Variants in MYOM2 observed in about 807,000 individuals in gnomAD.
MYOM2 encodes the protein myomesin 2.
Under a neutral mutation model 187.6 loss-of-function variants are expected in MYOM2, and 254 were observed. The observed-to-expected ratio is 1.35, with a 90% CI of 1.22 to 1.50. The LOEUF (loss-of-function observed/expected upper bound fraction) is 1.50, where lower values mean the gene tolerates loss of function less well. Ranked by LOEUF, MYOM2 falls within the 40% of genes most tolerant of loss-of-function variation. The pLI is 0.00. For missense variants in MYOM2, 2,796 were observed against 1,924.0 expected (o/e 1.45, Z -8.48); for synonymous variants, 981 against 753.8 (o/e 1.30, Z -4.94).
intron 32 of MYOM2, among the ~76,000 whole-genome samples, chr8:2,139,854 C>A (rs1798214680): frequency 6.6e-6 from 1 of 152,190 alleles, no homozygotes; most frequent in Non-Finnish European, 1.5e-5. Context: ...GATGTGGAAC[C>A]TTAGAAGGCG....
intron 32 of MYOM2, among the ~76,000 whole-genome samples, chr8:2,132,922 C>G (rs1797925988): frequency 6.6e-6 from 1 of 152,174 alleles, no homozygotes; most frequent in Non-Finnish European, 1.5e-5. Flanking sequence ...GTCCTTATGT[C>G]CACAGGGTGG....
chr8:2,122,639 G>A (rs1215848156), intron 28 of MYOM2, among the ~76,000 whole-genome samples: 2 of 152,206 alleles, frequency 1.3e-5, no homozygotes, highest in Non-Finnish European at 2.9e-5. Flanking sequence ...ATTCTGCCAT[G>A]CTGAATCAGA....
chr8:2,145,073 G>A lies in MYOM2; in HGVS notation c.*92G>A. The A allele has an allele frequency of 7.1e-7, 1 of 1,410,110 alleles. No homozygotes were observed. The highest frequency in any genetic ancestry group is 2.4e-5 in the East Asian group (1 of 41,506). The allele number at this position is 1,410,110 out of a possible 1,614,324, so 87.3% of individuals were successfully genotyped here. On this transcript the variant is annotated 3_prime_UTR_variant, in exon 37 of 37. Transcript: ENST00000262113. ...CCAAATGAGCAGCTGGCATCCGAGTGGTGTCCTGTGTGGGCTGATAGTTGA... is the reference window on the plus strand; with the variant it reads ...CCAAATGAGCAGCTGGCATCCGAGTAGTGTCCTGTGTGGGCTGATAGTTGA...
Position 2,145,158 on chromosome 8 carries a change from G to C in MYOM2, c.*177G>C. The C allele has an allele frequency of 1.5e-6, 1 of 678,894 alleles. No individual in the cohort carries two copies. The highest frequency in any genetic ancestry group is 2.4e-6 in the Non-Finnish European group (1 of 408,920). 42.1% of individuals were successfully genotyped at this position (678,894 alleles called of 1,614,324 possible). A position where few individuals can be genotyped will look rare whatever the true frequency, so the allele number is the denominator to read the frequency against. ...ATGAATATTTTATACCCGTCTAAGG[G>C]AGAAAGCTAATGTTTTCCACAAGAC... On this transcript the variant is annotated 3_prime_UTR_variant, in exon 37 of 37. Coordinates refer to ENST00000262113, the MANE Select transcript of MYOM2 (RefSeq NM_003970.4).
intron 8 of MYOM2, 52 bp from the exon 9 acceptor site, chr8:2,072,293 G>T: frequency 6.9e-7 from 1 of 1,453,136 alleles, no homozygotes; most frequent in South Asian, 1.3e-5. Context: ...AGCCTCCATC[G>T]TTTCATGCTC....
At chr8:2,071,408 C>T (rs1819212362) in intron 8 of MYOM2, among the ~76,000 whole-genome samples, 1 of 152,172 alleles carries the variant, frequency 6.6e-6, no homozygotes. Flanking sequence ...ACTTCTCCCC[C>T]TACCACACAT....
intron 32 of MYOM2, among the ~76,000 whole-genome samples, chr8:2,129,847 C>T (rs1351953224): frequency 6.6e-6 from 1 of 152,154 alleles, no homozygotes. Context: ...CTGAAACAAC[C>T]AGGCAAACTG....
At chr8:2,064,118 C>G (rs189308388) in intron 6 of MYOM2, among the ~76,000 whole-genome samples, 54 of 152,340 alleles carry the variant, frequency 3.5e-4, no homozygotes, top group African/African-American at 1.3e-3. Flanking sequence ...CTGAGGAAGT[C>G]TCCGCGAGAG....
At chr8:2,108,920 T>G (rs1796979924) in intron 24 of MYOM2, 90 bp downstream of exon 24, 5 of 1,313,106 alleles carry the variant, frequency 3.8e-6, no homozygotes, top group Non-Finnish European at 5.4e-6. Context: ...AAGAACAGCT[T>G]TGGGGAAAGG....
chr8:2,133,846 G>T (rs1797960517), intron 32 of MYOM2, among the ~76,000 whole-genome samples: 1 of 152,004 alleles, frequency 6.6e-6, no homozygotes, highest in African/African-American at 2.4e-5. Flanking sequence ...ATAATATTCA[G>T]TTACAAATTT....
At position 2,045,173 on chromosome 8, in the gene MYOM2, G is replaced by C. The variant is rs1271287881; in HGVS notation, c.-13+5G>C. On this transcript the variant is annotated splice_donor_5th_base_variant and intron_variant, in intron 1 of 36. Transcript: ENST00000262113. Reference sequence around the variant, plus strand: ...GCAATTTTCCTTTCTGTCTGGGTAAGTGTCTTTCTCTTCTTGCCTTTTCTA... The same window carrying C: ...GCAATTTTCCTTTCTGTCTGGGTAACTGTCTTTCTCTTCTTGCCTTTTCTA... 1.3e-5 allele frequency: 2 copies of C among 152,360 alleles called. No individual in the cohort carries two copies. Among genetic ancestry groups the C allele is most frequent in the African/African-American group, 4.8e-5 (2 of 41,440 alleles). 9.4% of individuals were successfully genotyped at this position (152,360 alleles called of 1,614,324 possible).
At position 2,050,785 on chromosome 8, in the gene MYOM2, C is replaced by G; in HGVS notation, c.19C>G (p.Pro7Ala). The G allele has an allele frequency of 1.9e-6, 3 of 1,612,490 alleles. No homozygotes were observed. The highest frequency in any genetic ancestry group is 2.5e-6 in the Non-Finnish European group (3 of 1,178,644). ...CGCCAAGATGTCCCTTGTGACTGTC[C>G]CCTTCTACCAGAAGAGACATAGGCA... MSLVTV[P>A]FYQKRHRHFD... The change falls in exon 2 of 37, where the codon CCC (proline) becomes GCC (alanine). Residue 7 changes from proline to alanine, a missense_variant. Physicochemically the swap from Pro to Ala is conservative, Grantham distance 27. Transcript: ENST00000262113.
At position 2,059,171 on chromosome 8, in the gene MYOM2, G is replaced by C. The variant is rs777551525; in HGVS notation, c.579G>C (p.Leu193=). 24 of 1,614,064 alleles carry C rather than the reference G, an allele frequency of 1.5e-5. No individual in the cohort carries two copies. The highest frequency in any genetic ancestry group is 3.3e-5 in the Admixed American group (2 of 60,010). The change falls in exon 6 of 37, where the codon CTG becomes CTC. Residue 193 remains leucine (L), a synonymous_variant. Transcript: ENST00000262113. ...PVVQWYKDGS[L]ICQAAEPGKY... Reference sequence around the variant, plus strand: ...CATTTAGGTACAAAGATGGCAGTCTGATTTGCCAGGCGGCTGAACCGGGAA... The same window carrying C: ...CATTTAGGTACAAAGATGGCAGTCTCATTTGCCAGGCGGCTGAACCGGGAA...
intron 32 of MYOM2, among the ~76,000 whole-genome samples, chr8:2,137,976 G>A (rs1798140472): frequency 1.3e-5 from 2 of 152,150 alleles, no homozygotes; most frequent in Admixed American, 6.5e-5. Flanking sequence ...TCCACTGCCT[G>A]GTATATGTTC....
intron 21 of MYOM2, among the ~76,000 whole-genome samples, chr8:2,105,455 A>C (rs1796858381): frequency 6.6e-6 from 1 of 152,198 alleles, no homozygotes; most frequent in Non-Finnish European, 1.5e-5. Context: ...TAAACCACAA[A>C]CAACCCCTAC....
intron 27 of MYOM2, 140 bp from the exon 28 acceptor site, chr8:2,117,745 C>T (rs1356239855): frequency 2.4e-5 from 12 of 507,852 alleles, no homozygotes; most frequent in Non-Finnish European, 4.0e-5. Flanking sequence ...AAATGCATTA[C>T]ATAAATATAT....
In MYOM2 at chr8:2,065,533, G is replaced by A. The variant is rs371234392; in HGVS notation, c.654-3745G>A. Among the ~76,000 whole-genome samples the A allele has an allele frequency of 3.3e-5, 5 of 152,256 alleles. No homozygotes were observed. In the East Asian group the frequency reaches 7.7e-4, roughly 24 times the overall value. ...TTCAGTGAGCCAAGATCACGCCACT[G>A]CACTTCAGCCCGGGTGACAGTGTGA... On this transcript the variant is annotated intron_variant, in intron 6 of 36. Coordinates refer to ENST00000262113, the MANE Select transcript of MYOM2 (RefSeq NM_003970.4).
chr8:2,064,132 C>A (rs550821105), intron 6 of MYOM2, among the ~76,000 whole-genome samples: 196 of 152,330 alleles, frequency 1.3e-3, no homozygotes, highest in African/African-American at 4.6e-3. Context: ...GCGAGAGTGG[C>A]CGCCCTTCCT....
At chr8:2,139,590 C>G (rs1798205198) in intron 32 of MYOM2, among the ~76,000 whole-genome samples, 1 of 152,122 alleles carries the variant, frequency 6.6e-6, no homozygotes, top group African/African-American at 2.4e-5. Context: ...AGGAAAGATG[C>G]CACAAGCACC....
Sources: allele counts gnomAD v4.1 joint callset (sites outside exome capture counted in the v4.1 genomes callset), GRCh38; gene constraint gnomAD v4.1.1; transcripts MANE v1.5; gene names NCBI Gene and HGNC (gene_info 2026-07-23, HGNC 2026-07-21).